The following ATXN1 variants were observed in gnomAD, a reference collection of about 807,000 sequenced individuals.
The protein encoded by ATXN1 is ataxin 1.
Under a neutral mutation model 56.4 loss-of-function variants are expected in ATXN1, and 8 were observed. The ratio of observed to expected loss-of-function variants is 0.14; its 90% CI spans 0.08 to 0.26. The LOEUF (loss-of-function observed/expected upper bound fraction) is 0.26. Among genes scored for constraint, ATXN1 ranks in the 10% least tolerant of loss-of-function variants. ATXN1 has a pLI of 1.00. For synonymous variants in ATXN1, 514 were observed against 494.6 expected (o/e 1.04, Z -0.52); for missense variants, 987 against 1,106.5 (o/e 0.89, Z 1.53).
chr6:16,342,299 C>T (rs988366061), intron 6 of ATXN1, among the ~76,000 whole-genome samples: 6 of 151,750 alleles, frequency 4.0e-5, no homozygotes. Flanking sequence ...CACAATGAGA[C>T]ACCACTTCAC....
At chr6:16,732,933 TG>T (rs1359743386) in intron 2 of ATXN1, among the ~76,000 whole-genome samples, 1 of 152,252 alleles carries the variant, frequency 6.6e-6, no homozygotes, top group Non-Finnish European at 1.5e-5. Flanking sequence ...TCTACAGAAT[TG>T]TATGGCCCTT....
chr6:16,355,018 C>A (rs1761656358), intron 6 of ATXN1, among the ~76,000 whole-genome samples: 1 of 152,192 alleles, frequency 6.6e-6, no homozygotes, highest in Non-Finnish European at 1.5e-5. Flanking sequence ...TCACACTGTG[C>A]ACATCTTTCT....
intron 7 of ATXN1, among the ~76,000 whole-genome samples, chr6:16,322,001 C>T (rs186502098): frequency 2.0e-5 from 3 of 152,286 alleles, no homozygotes; most frequent in Admixed American, 6.5e-5. Flanking sequence ...GTGGGTGGAT[C>T]GCTTGAGCCC....
At chr6:16,464,083 G>T (rs1760052547) in intron 6 of ATXN1, among the ~76,000 whole-genome samples, 1 of 152,150 alleles carries the variant, frequency 6.6e-6, no homozygotes, top group South Asian at 2.1e-4. Flanking sequence ...CAGCAGCTGG[G>T]GTGTCCTGTT....
intron 6 of ATXN1, among the ~76,000 whole-genome samples, chr6:16,400,006 A>G (rs1758535883): frequency 1.3e-5 from 2 of 152,256 alleles, no homozygotes; most frequent in South Asian, 4.2e-4. Flanking sequence ...CAGCATCAGC[A>G]TCACTAGGGA....
intron 2 of ATXN1, among the ~76,000 whole-genome samples, chr6:16,702,065 CA>C (rs1581377642): frequency 6.6e-6 from 1 of 151,910 alleles, no homozygotes; most frequent in African/African-American, 2.4e-5. Context: ...GGAGGCATCA[CA>C]CTACCTGACT....
At chr6:16,710,249 T>C (rs2113452961) in intron 2 of ATXN1, among the ~76,000 whole-genome samples, 1 of 152,348 alleles carries the variant, frequency 6.6e-6, no homozygotes, top group Admixed American at 6.5e-5. Context: ...TTACCAAAGA[T>C]ATGCAATGTC....
intron 6 of ATXN1, among the ~76,000 whole-genome samples, chr6:16,434,325 C>T (rs922779357): frequency 1.3e-5 from 2 of 152,204 alleles, no homozygotes; most frequent in African/African-American, 2.4e-5. Context: ...ATTATCTGTG[C>T]TACCTCAGCC....
intron 2 of ATXN1, among the ~76,000 whole-genome samples, chr6:16,748,460 C>T (rs537639618): frequency 2.6e-5 from 4 of 152,250 alleles, no homozygotes; most frequent in South Asian, 2.1e-4. Context: ...GATCCAAGCA[C>T]GATTCTATCA....
chr6:16,576,592 A>C (rs1228699858), intron 4 of ATXN1, among the ~76,000 whole-genome samples: 1 of 152,236 alleles, frequency 6.6e-6, no homozygotes, highest in African/African-American at 2.4e-5. Flanking sequence ...CATGCACTTT[A>C]ATTACAATAG....
chr6:16,737,947 C>T (rs1307961551), intron 2 of ATXN1: 4 of 152,008 alleles, frequency 2.6e-5, no homozygotes, highest in Non-Finnish European at 5.9e-5. Flanking sequence ...AGACGGCATC[C>T]AGTTAAGAAT....
chr6:16,416,945 T>C (rs1758921363), intron 6 of ATXN1, among the ~76,000 whole-genome samples: 1 of 152,222 alleles, frequency 6.6e-6, no homozygotes, highest in African/African-American at 2.4e-5. Flanking sequence ...CATGAAGATA[T>C]GAGTGAATAA....
chr6:16,743,936 T>A (rs1008510527), intron 2 of ATXN1, among the ~76,000 whole-genome samples: 12 of 152,222 alleles, frequency 7.9e-5, no homozygotes, highest in African/African-American at 2.9e-4. Context: ...CCTCAAAACC[T>A]ATGGAGCCAG....
In ATXN1 at chr6:16,645,995, G is replaced by A. The variant is rs565105717; in HGVS notation, c.-489+11781C>T. Among the ~76,000 whole-genome samples the A allele has an allele frequency of 3.5e-3, 537 of 152,216 alleles. 2 individuals are homozygous for A. The highest frequency in any genetic ancestry group is 0.012 in the African/African-American group (504 of 41,510). ...AGCACTCTGAGAGGCCAAAGCAGGA[G>A]AATTGCTGGAACACAGGGCTCCAGA... On this transcript the variant is annotated intron_variant, in intron 3 of 7. Transcript: ENST00000436367.
At chr6:16,662,546 C>T (rs1007630185) in intron 2 of ATXN1, among the ~76,000 whole-genome samples, 3 of 152,170 alleles carry the variant, frequency 2.0e-5, no homozygotes, top group African/African-American at 7.2e-5. Flanking sequence ...GTTGGCCAGG[C>T]TGGTCTTGAA....
At chr6:16,614,371 C>T in intron 3 of ATXN1, among the ~76,000 whole-genome samples, 1 of 151,534 alleles carries the variant, frequency 6.6e-6, no homozygotes, top group Non-Finnish European at 1.5e-5. Context: ...TCTTGGTGGG[C>T]CCCAGTGTAC....
chr6:16,589,030 C>T (rs1188897654), intron 3 of ATXN1, among the ~76,000 whole-genome samples: 1 of 152,036 alleles, frequency 6.6e-6, no homozygotes, highest in Non-Finnish European at 1.5e-5. Context: ...GCTCCCTGAC[C>T]CCATCTTGTT....
chr6:16,404,308 G>A (rs1758639749), intron 6 of ATXN1, among the ~76,000 whole-genome samples: 2 of 152,182 alleles, frequency 1.3e-5, no homozygotes. Flanking sequence ...CATAACAAAG[G>A]AAGTACTGGA....
At chr6:16,354,101 G>A (rs2113464654) in intron 6 of ATXN1, among the ~76,000 whole-genome samples, 1 of 152,284 alleles carries the variant, frequency 6.6e-6, no homozygotes, top group East Asian at 1.9e-4. Flanking sequence ...AGAACCTATA[G>A]GGTCGGAGTG....
Sources: gnomAD v4.1 joint callset for allele counts (sites outside exome capture counted in the v4.1 genomes callset) on GRCh38, gnomAD v4.1.1 for gene constraint, MANE v1.5 for transcripts, NCBI Gene and HGNC (gene_info 2026-07-23, HGNC 2026-07-21) for gene names.